Variants in SLC22A23 observed in about 807,000 individuals in gnomAD.
The protein encoded by SLC22A23 is ion transporter protein.
A neutral mutation model predicts 61.0 loss-of-function variants in SLC22A23; 26 were observed. The observed-to-expected ratio is 0.43, with a 90% CI of 0.31 to 0.59. The LOEUF (loss-of-function observed/expected upper bound fraction) is 0.59. SLC22A23 is among the 20% of genes least tolerant of loss of function. The pLI is 0.11. For synonymous variants in SLC22A23, 430 were observed against 413.9 expected (o/e 1.04, Z -0.47); for missense variants, 796 against 934.7 (o/e 0.85, Z 1.94).
chr6:3,417,229 T>C (rs905956318), intron 1 of SLC22A23, among the ~76,000 whole-genome samples: 6 of 152,314 alleles, frequency 3.9e-5, no homozygotes, highest in African/African-American at 1.4e-4. Context: ...CCTGGACTCC[T>C]TGGGACACAC....
At chr6:3,305,282 T>G (rs998768434) in intron 4 of SLC22A23, among the ~76,000 whole-genome samples, 2 of 152,234 alleles carry the variant, frequency 1.3e-5, no homozygotes, top group African/African-American at 4.8e-5. Context: ...GGCAGTCTGA[T>G]GAGATAGCCC....
intron 3 of SLC22A23, among the ~76,000 whole-genome samples, chr6:3,358,996 G>A (rs540197947): frequency 1.1e-4 from 17 of 152,324 alleles, no homozygotes; most frequent in African/African-American, 2.9e-4. Flanking sequence ...TGTCAGGTGC[G>A]CTGTGCCGAT....
Position 3,287,081 on chromosome 6 carries a change from A to G in SLC22A23, c.1324T>C (p.Tyr442His). 1 of 1,613,300 alleles carries G rather than the reference A, an allele frequency of 6.2e-7. No individual in the cohort carries two copies. Residue 442 changes from tyrosine to histidine, a missense_variant, in exon 7 of 10, where the codon TAC (tyrosine) becomes CAC (histidine). Coordinates refer to ENST00000406686, the MANE Select transcript of SLC22A23 (RefSeq NM_015482.2). ...CTGGCAAAGCAGTGGTGGATCCCGT[A>G]CCCCGTCAGCCTGTGGAGACATACC... is the stretch of plus-strand genomic sequence containing the variant. Reference protein sequence around the residue: ...VVLCVNSLTGYGIHHCFARSM... With the variant: ...VVLCVNSLTGHGIHHCFARSM...
chr6:3,319,116 C>T (rs1010724382), intron 4 of SLC22A23, among the ~76,000 whole-genome samples: 2 of 152,202 alleles, frequency 1.3e-5, no homozygotes, highest in Non-Finnish European at 2.9e-5. Context: ...ACACAGGATT[C>T]CCCTGCTTAA....
At position 3,317,964 on chromosome 6, in the gene SLC22A23, G is replaced by A. The variant is rs576587190; in HGVS notation, c.1082+5870C>T. Reference sequence around the variant, plus strand: ...GGCAGCTCGTGCAATGACATCGCTCGCCTATCTTGGCTCCACTTGCTGGAG... The same window carrying A: ...GGCAGCTCGTGCAATGACATCGCTCACCTATCTTGGCTCCACTTGCTGGAG... On this transcript the variant is annotated intron_variant, in intron 4 of 9. Transcript: ENST00000406686. This position sits in a 1 kb window ranked among gnomAD's most constrained non-coding sequence, Gnocchi z 4.4. 3.9e-5 allele frequency among the ~76,000 whole-genome samples: 6 copies of A among 152,196 alleles called. No individual in the cohort carries two copies. The highest frequency in any genetic ancestry group is 5.9e-5 in the Non-Finnish European group (4 of 68,004).
chr6:3,377,279 A>G (rs1766637615), intron 3 of SLC22A23, among the ~76,000 whole-genome samples: 1 of 152,188 alleles, frequency 6.6e-6, no homozygotes, highest in African/African-American at 2.4e-5. Context: ...CTAGTCTAGT[A>G]TTATAGCCAG....
intron 1 of SLC22A23, among the ~76,000 whole-genome samples, chr6:3,425,025 C>G (rs1024318287): frequency 6.6e-6 from 1 of 152,138 alleles, no homozygotes. Context: ...AGAATGCTCC[C>G]GTGTCCACCC....
At chr6:3,443,349 G>A (rs1202197857) in intron 1 of SLC22A23, among the ~76,000 whole-genome samples, 2 of 152,128 alleles carry the variant, frequency 1.3e-5, no homozygotes, top group Non-Finnish European at 2.9e-5. Flanking sequence ...GGCAGGGGTG[G>A]GAGTGACAAT....
At position 3,379,817 on chromosome 6, in the gene SLC22A23, C is replaced by T. The variant is rs1447916114; in HGVS notation, c.913+30371G>A. 2.0e-5 allele frequency among the ~76,000 whole-genome samples: 3 copies of T among 152,154 alleles called. No individual in the cohort carries two copies. The East Asian group carries it at 5.8e-4, about 29-fold the overall frequency. Reference sequence around the variant, plus strand: ...GCCTGATGACTACTCAACGAGCTGCCCTCAGCTCCCAGCAGGGGCTTCAAA... The same window carrying T: ...GCCTGATGACTACTCAACGAGCTGCTCTCAGCTCCCAGCAGGGGCTTCAAA... On this transcript the variant is annotated intron_variant, in intron 3 of 9. Coordinates refer to ENST00000406686, the MANE Select transcript of SLC22A23 (RefSeq NM_015482.2).
chr6:3,435,418 G>A (rs1771142828), intron 1 of SLC22A23, among the ~76,000 whole-genome samples: 1 of 151,574 alleles, frequency 6.6e-6, no homozygotes, highest in Non-Finnish European at 1.5e-5. Context: ...CCCTATGATG[G>A]GGACCCACAC....
intron 1 of SLC22A23, among the ~76,000 whole-genome samples, chr6:3,436,702 A>G (rs17136539): frequency 0.23 from 34,736 of 152,098 alleles, 4,137 homozygotes; most frequent in East Asian, 0.35. Flanking sequence ...CTGTTCTCCA[A>G]GCACACTCAC....
chr6:3,396,002 C>T (rs1767978908), intron 3 of SLC22A23, among the ~76,000 whole-genome samples: 2 of 152,308 alleles, frequency 1.3e-5, no homozygotes, highest in East Asian at 1.9e-4. Flanking sequence ...TTAAATAATA[C>T]TATACTAACA....
At chr6:3,431,066 CAAAAAAA>C (rs751754256) in intron 1 of SLC22A23, among the ~76,000 whole-genome samples, 2 of 129,462 alleles carry the variant, frequency 1.5e-5, no homozygotes, top group African/African-American at 3.0e-5. Flanking sequence ...AACTCCGTCT[CAAAAAAA>C]AAAAAAAAAA....
intron 3 of SLC22A23, among the ~76,000 whole-genome samples, chr6:3,398,866 A>G (rs1407871222): frequency 6.6e-6 from 1 of 152,012 alleles, no homozygotes; most frequent in Non-Finnish European, 1.5e-5. Context: ...TCATCTCTAC[A>G]AAAAATTTAA....
At chr6:3,285,035 GTAATA>G (rs1561865204) in intron 8 of SLC22A23, 39 bp downstream of exon 8, 1 of 1,607,704 alleles carries the variant, frequency 6.2e-7, no homozygotes, top group Non-Finnish European at 8.5e-7. Context: ...CCATTTAGAT[GTAATA>G]TGAGACGAGG....
At chr6:3,397,315 G>A (rs942469934) in intron 3 of SLC22A23, among the ~76,000 whole-genome samples, 3 of 152,184 alleles carry the variant, frequency 2.0e-5, no homozygotes, top group Admixed American at 1.3e-4. Context: ...CAGTGAAAAA[G>A]TTCACCTTTG....
Position 3,272,369 on chromosome 6 carries a change from T to G in SLC22A23, c.*686A>C, listed in dbSNP as rs1758531609. 1 of 152,720 alleles carries G rather than the reference T, an allele frequency of 6.5e-6. No individual in the cohort carries two copies. Among genetic ancestry groups the G allele is most frequent in the Non-Finnish European group, 1.5e-5 (1 of 68,034 alleles). The allele number at this position is 152,720 out of a possible 1,614,324, so 9.5% of individuals were successfully genotyped here. On this transcript the variant is annotated 3_prime_UTR_variant, in exon 10 of 10. Transcript: ENST00000406686. ...CTCAATTAAGATTTCTGGTGAAATG[T>G]TTAAGCTTTTTCTCCAAGAGCTTCC...
chr6:3,433,187 C>T (rs1432877819), intron 1 of SLC22A23, among the ~76,000 whole-genome samples: 1 of 152,228 alleles, frequency 6.6e-6, no homozygotes, highest in Non-Finnish European at 1.5e-5. Context: ...CTCTCACATG[C>T]TGCACGGACA....
chr6:3,338,075 G>A (rs767721468), intron 3 of SLC22A23, among the ~76,000 whole-genome samples: 1 of 152,128 alleles, frequency 6.6e-6, no homozygotes, highest in African/African-American at 2.4e-5. Context: ...CAAACCTCAC[G>A]AAATAGCCCC....
Sources: gnomAD v4.1 joint callset for allele counts (sites outside exome capture counted in the v4.1 genomes callset) on GRCh38, gnomAD v4.1.1 for gene constraint, Gnocchi (gnomAD v3.1) non-coding constraint, MANE v1.5 for transcripts, NCBI Gene and HGNC (gene_info 2026-07-23, HGNC 2026-07-21) for gene names.